CAP2: variants seen among roughly 807,000 people sequenced by gnomAD.
The protein encoded by CAP2 is cyclase associated actin cytoskeleton regulatory protein 2.
In CAP2, 24 loss-of-function variants were observed where a neutral mutation model predicts 57.7. The observed-to-expected ratio is 0.42, with a 90% confidence interval of 0.30 to 0.58. The LOEUF (loss-of-function observed/expected upper bound fraction) is 0.58, where lower values mean the gene tolerates loss of function less well. Ranked by LOEUF, CAP2 falls within the 20% of genes least tolerant of loss-of-function variation. The pLI is 0.22. For synonymous variants in CAP2, 194 were observed against 207.2 expected, an observed-to-expected ratio of 0.94 and a Z score of 0.55; for missense variants, 501 against 590.3, an observed-to-expected ratio of 0.85 and a Z score of 1.57.
At chr6:17,532,936 A>C (rs548049623) in intron 7 of CAP2, among the ~76,000 whole-genome samples, 2 of 142,096 alleles carry the variant, frequency 1.4e-5, no homozygotes, top group Non-Finnish European at 3.0e-5. Context: ...GTGGTGGTGC[A>C]CTCCTGTAAT....
chr6:17,416,721 G>A (rs1759284609), intron 1 of CAP2, among the ~76,000 whole-genome samples: 1 of 152,170 alleles, frequency 6.6e-6, no homozygotes, highest in Non-Finnish European at 1.5e-5. Flanking sequence ...TATTGAAAAT[G>A]GTTAGCACTT....
At chr6:17,536,862 A>G (rs879345831) in intron 7 of CAP2, among the ~76,000 whole-genome samples, 9 of 152,180 alleles carry the variant, frequency 5.9e-5, no homozygotes, top group Non-Finnish European at 1.2e-4. Flanking sequence ...CAAAGCTTAT[A>G]TTATACTCTC....
intron 7 of CAP2, chr6:17,536,138 C>T (rs1762767587): frequency 2.2e-6 from 1 of 450,460 alleles, no homozygotes; most frequent in Admixed American, 2.4e-5. Flanking sequence ...TCTGTTTTTT[C>T]TTGGGACATC....
chr6:17,507,073 C>A, intron 4 of CAP2, 96 bp from the exon 5 acceptor site: 1 of 1,180,890 alleles, frequency 8.5e-7, no homozygotes, highest in Non-Finnish European at 1.3e-6. Flanking sequence ...TAACAGACGG[C>A]AGGTCCTGAA....
chr6:17,436,069 C>CTTTCTT (rs1759873142), intron 3 of CAP2, among the ~76,000 whole-genome samples: 2 of 115,076 alleles, frequency 1.7e-5, no homozygotes, highest in African/African-American at 6.1e-5. Context: ...ACTAAGGAAT[C>CTTTCTT]TTTCTTTCTT....
chr6:17,404,014 C>A (rs1171606673), intron 1 of CAP2, among the ~76,000 whole-genome samples: 1 of 152,194 alleles, frequency 6.6e-6, no homozygotes, highest in Non-Finnish European at 1.5e-5. Flanking sequence ...ATTGAAGACT[C>A]CTGTTGTAGC....
At chr6:17,491,638 G>A (rs1003988711) in intron 4 of CAP2, among the ~76,000 whole-genome samples, 5 of 152,160 alleles carry the variant, frequency 3.3e-5, no homozygotes, top group African/African-American at 1.2e-4. Flanking sequence ...CGAAGCCAAT[G>A]CTTTTTTTGT....
rs775228317 is a variant in CAP2 at position 17,542,911 on chromosome 6, C to G, written c.1077C>G (p.Cys359Trp). 1 of 1,613,296 alleles carries G rather than the reference C, an allele frequency of 6.2e-7. No homozygotes were observed. The highest frequency in any genetic ancestry group is 8.5e-7 in the Non-Finnish European group (1 of 1,179,338). ...ELKQVAYIFK[C>W]EKSTIQIKGK... The stretch of plus-strand genomic sequence containing the variant: ...AACAAGTGGCTTACATTTTCAAATG[C>G]GAAAAATCAACTATTCAGATAAAAG... The change falls in exon 10 of 13, where the codon TGC (cysteine) becomes TGG (tryptophan). Residue 359 changes from cysteine (C) to tryptophan (W), a missense_variant. Coordinates refer to ENST00000229922, the MANE Select transcript of CAP2 (RefSeq NM_006366.3).
intron 3 of CAP2, among the ~76,000 whole-genome samples, chr6:17,445,522 G>T (rs1164438328): frequency 6.6e-6 from 1 of 152,196 alleles, no homozygotes; most frequent in Non-Finnish European, 1.5e-5. Context: ...AAATGATAGC[G>T]ATCGGGCAAG....
At chr6:17,469,720 C>T (rs1007651903) in intron 4 of CAP2, among the ~76,000 whole-genome samples, 2 of 152,130 alleles carry the variant, frequency 1.3e-5, no homozygotes, top group Non-Finnish European at 2.9e-5. Context: ...AAAACTGATT[C>T]TCTTTCCTTT....
At chr6:17,480,298 T>A (rs1202412254) in intron 4 of CAP2, among the ~76,000 whole-genome samples, 1 of 152,166 alleles carries the variant, frequency 6.6e-6, no homozygotes, top group African/African-American at 2.4e-5. Flanking sequence ...ACACAAGTGC[T>A]ATGAACATGT....
chr6:17,491,273 C>T (rs1761534737), intron 4 of CAP2, among the ~76,000 whole-genome samples: 1 of 152,018 alleles, frequency 6.6e-6, no homozygotes, highest in African/African-American at 2.4e-5. Context: ...AAAGAGATGA[C>T]CTAAGTTTCC....
intron 6 of CAP2, 136 bp downstream of exon 6, chr6:17,507,862 TA>T: frequency 3.8e-6 from 2 of 528,688 alleles, no homozygotes; most frequent in Non-Finnish European, 6.8e-6. Flanking sequence ...AAGGAAAATC[TA>T]ATCTTTGCAG....
At chr6:17,429,157 G>T (rs1294569265) in intron 3 of CAP2, among the ~76,000 whole-genome samples, 1 of 152,186 alleles carries the variant, frequency 6.6e-6, no homozygotes, top group Non-Finnish European at 1.5e-5. Flanking sequence ...CTTGTATGCA[G>T]CAAGAGAGTG....
chr6:17,484,326 C>T (rs146808682), intron 4 of CAP2, among the ~76,000 whole-genome samples: 13 of 152,250 alleles, frequency 8.5e-5, no homozygotes, highest in East Asian at 5.8e-4. Flanking sequence ...CCCCTTCTCA[C>T]GCAAGGCCTT....
intron 3 of CAP2, among the ~76,000 whole-genome samples, chr6:17,433,155 C>T (rs981589875): frequency 2.6e-5 from 4 of 152,110 alleles, no homozygotes; most frequent in African/African-American, 9.7e-5. Flanking sequence ...CCTACTTTAA[C>T]CTGCAGTAGG....
chr6:17,456,368 C>T (rs2113586810), intron 3 of CAP2, among the ~76,000 whole-genome samples: 1 of 152,318 alleles, frequency 6.6e-6, no homozygotes, highest in African/African-American at 2.4e-5. Flanking sequence ...CAAGCATCTT[C>T]AGTCTTGTTT....
At chr6:17,519,884 A>G (rs1762351581) in intron 7 of CAP2, among the ~76,000 whole-genome samples, 1 of 152,224 alleles carries the variant, frequency 6.6e-6, no homozygotes, top group Admixed American at 6.5e-5. Context: ...AAGGTCATGT[A>G]AAGAATTCTA....
intron 4 of CAP2, among the ~76,000 whole-genome samples, chr6:17,483,386 A>C (rs1383429109): frequency 6.6e-6 from 1 of 152,024 alleles, no homozygotes; most frequent in East Asian, 1.9e-4. Flanking sequence ...TCATATGAAA[A>C]TCTCGGTGAC....
Sources: allele counts gnomAD v4.1 joint callset (sites outside exome capture counted in the v4.1 genomes callset), GRCh38; gene constraint gnomAD v4.1.1; transcripts MANE v1.5; gene names NCBI Gene and HGNC (gene_info 2026-07-23, HGNC 2026-07-21).